Variants in SLC7A5 observed in about 807,000 individuals in gnomAD.
The protein encoded by SLC7A5 is large neutral amino acids transporter small subunit 1.
In SLC7A5, 23 loss-of-function variants were observed where a neutral mutation model predicts 50.2. The observed-to-expected ratio is 0.46, with a 90% CI of 0.33 to 0.65. The LOEUF is 0.65. Among genes scored for constraint, SLC7A5 ranks in the 30% least tolerant of loss-of-function variants. The probability of loss-of-function intolerance (pLI) is 0.02; values close to 1 mark genes in which losing one functional copy is unlikely to be tolerated. For missense variants in SLC7A5, 578 were observed against 684.4 expected (o/e 0.84, Z 1.73); for synonymous variants, 393 against 330.6 (o/e 1.19, Z -2.05).
At chr16:87,868,011 G>A (rs534330483) in intron 1 of SLC7A5, among the ~76,000 whole-genome samples, 131 of 151,752 alleles carry the variant, frequency 8.6e-4, no homozygotes, top group African/African-American at 3.1e-3. Flanking sequence ...CAGCTACTCG[G>A]GAGGCTGAGC....
At position 87,840,490 on chromosome 16, in the gene SLC7A5, A is replaced by T; in HGVS notation, c.771-17T>A. On this transcript the variant is annotated splice_polypyrimidine_tract_variant and intron_variant, in intron 3 of 9. Transcript: ENST00000261622. ...AAGTAATTCCTAAAATTTAGAGAACAGCGTTCAAATTATATGATCCTCATC... is the reference window on the plus strand; with the variant it reads ...AAGTAATTCCTAAAATTTAGAGAACTGCGTTCAAATTATATGATCCTCATC... The T allele has an allele frequency of 6.3e-7, 1 of 1,589,270 alleles. No individual in the cohort carries two copies. Among genetic ancestry groups the T allele is most frequent in the Non-Finnish European group, 8.6e-7 (1 of 1,162,052 alleles).
chr16:87,869,401 G>A lies in SLC7A5; in HGVS notation c.22C>T (p.Arg8Trp). The A allele has an allele frequency of 6.6e-7, 1 of 1,516,526 alleles. No homozygotes were observed. Among genetic ancestry groups the A allele is most frequent in the Non-Finnish European group, 8.8e-7 (1 of 1,138,224 alleles). The allele number at this position is 1,516,526 out of a possible 1,614,324, so 93.9% of individuals were successfully genotyped here. MAGAGPKRRALAAPAAEE... is the reference protein window; with the variant it reads MAGAGPKWRALAAPAAEE... Reference sequence around the variant, plus strand: ...GCCGCCGGCGCCGCTAGCGCGCGCCGCTTCGGGCCCGCACCCGCCATGCTC... The same window carrying A: ...GCCGCCGGCGCCGCTAGCGCGCGCCACTTCGGGCCCGCACCCGCCATGCTC... Residue 8 changes from arginine (R) to tryptophan (W), a missense_variant, in exon 1 of 10, where the codon CGG (arginine) becomes TGG (tryptophan). Arg to Trp is a moderately radical substitution (Grantham distance 101). Coordinates refer to ENST00000261622, the MANE Select transcript of SLC7A5 (RefSeq NM_003486.7).
chr16:87,869,336 G>A lies in SLC7A5; in HGVS notation c.87C>T (p.Ala29=). Reference sequence around the variant, plus strand: ...CCGGCGCCGAGCCGTCCGCGCTCTTGGCGGCCAGCATCTTCTCCCGCGCCT... The same window carrying A: ...CCGGCGCCGAGCCGTCCGCGCTCTTAGCGGCCAGCATCTTCTCCCGCGCCT... The part of the protein sequence containing the change: ...KEEAREKMLA[A]KSADGSAPAG... The change falls in exon 1 of 10, where the codon GCC becomes GCT. Residue 29 remains alanine, a synonymous_variant. Transcript: ENST00000261622. 1 of 1,609,830 alleles carries A rather than the reference G, an allele frequency of 6.2e-7. No homozygotes were observed. The highest frequency in any genetic ancestry group is 8.5e-7 in the Non-Finnish European group (1 of 1,179,166).
chr16:87,862,222 G>A lies in SLC7A5; in HGVS notation c.538+6663C>T, dbSNP rs531328923. On this transcript the variant is annotated intron_variant, in intron 1 of 9. Transcript: ENST00000261622. This position sits in a 1 kb window ranked among gnomAD's most constrained non-coding sequence, Gnocchi z 5.3. ...CAGGTGCTGGATACCCCAGCGGTTG[G>A]GGGGGTGGTGCTGGACACCCAGGGG... is the stretch of plus-strand genomic sequence containing the variant. Among the ~76,000 whole-genome samples, 1 of 152,098 alleles carries A rather than the reference G, an allele frequency of 6.6e-6. No individual in the cohort carries two copies. The highest frequency in any genetic ancestry group is 3.2e-3 in the Middle Eastern group (1 of 316).
At position 87,833,828 on chromosome 16, in the gene SLC7A5, A is replaced by G. The variant is rs2054962215; in HGVS notation, c.1468+586T>C. 1.3e-5 allele frequency among the ~76,000 whole-genome samples: 2 copies of G among 148,220 alleles called. No homozygotes were observed. Among genetic ancestry groups the G allele is most frequent in the East Asian group, 4.0e-4 (2 of 5,044 alleles). On this transcript the variant is annotated intron_variant, in intron 9 of 9. Transcript: ENST00000261622. This position sits in a 1 kb window ranked among gnomAD's most constrained non-coding sequence, Gnocchi z 6.0. ...CACCCCTGGGGCTGCCGCTGCACAC[A>G]GGGCCGGGGGGCGGGTTTCTCCTTC...
Position 87,833,090 on chromosome 16 carries a change from C to T in SLC7A5, c.1469-65G>A, listed in dbSNP as rs954794006. On this transcript the variant is annotated intron_variant, in intron 9 of 9. Transcript: ENST00000261622. This position sits in a 1 kb window ranked among gnomAD's most constrained non-coding sequence, Gnocchi z 6.0. ...GGTAGGCACCCGTGGGACACGGGGG[C>T]GTGAGCTGGGGCTCCCCCAGCCCTG... 10 of 1,410,342 alleles carry T rather than the reference C, an allele frequency of 7.1e-6. No homozygotes were observed. Among genetic ancestry groups the T allele is most frequent in the Admixed American group, 1.7e-5 (1 of 59,598 alleles). 87.4% of individuals were successfully genotyped at this position (1,410,342 alleles called of 1,614,324 possible).
chr16:87,833,147 C>T lies in SLC7A5; in HGVS notation c.1469-122G>A. 1 of 837,422 alleles carries T rather than the reference C, an allele frequency of 1.2e-6. No homozygotes were observed. Among genetic ancestry groups the T allele is most frequent in the Admixed American group, 1.8e-5 (1 of 55,990 alleles). 51.9% of individuals were successfully genotyped at this position (837,422 alleles called of 1,614,324 possible). ...CCAAACCCAGCGCCGCTGCCCAGCG[C>T]TGGGATTTTAAGGAACCTTCCCTTG... On this transcript the variant is annotated intron_variant, in intron 9 of 9. Transcript: ENST00000261622. The surrounding 1 kb of genome is among the most constrained non-coding windows in gnomAD (Gnocchi z 6.0).
chr16:87,838,892 T>G lies in SLC7A5; in HGVS notation c.940-75A>C, dbSNP rs2055046856. The G allele has an allele frequency of 2.8e-6, 3 of 1,083,168 alleles. No homozygotes were observed. The South Asian group carries it at 3.8e-5, about 14-fold the overall frequency. The allele number at this position is 1,083,168 out of a possible 1,614,324, so 67.1% of individuals were successfully genotyped here. A position where few individuals can be genotyped will look rare whatever the true frequency, so the allele number is the denominator to read the frequency against. ...CTCCCTGTGCTCACTGGGAGCCCTC[T>G]GCACCGGGCCAGCCCTCGCCCTCTG... On this transcript the variant is annotated intron_variant, in intron 5 of 9. Transcript: ENST00000261622.
rs760373260 is a variant in SLC7A5 at position 87,841,129 on chromosome 16, A to C, written c.691T>G (p.Phe231Val). ...TCCAGTTTGGTGCCTTCAAATGAGA[A>C]GTTGGGATCTAGATTGGACACATCA... Reference protein sequence around the residue: ...KGDVSNLDPNFSFEGTKLDVG... With the variant: ...KGDVSNLDPNVSFEGTKLDVG... The change falls in exon 3 of 10, where the codon TTC (phenylalanine) becomes GTC (valine). Residue 231 changes from phenylalanine to valine, a missense_variant. Physicochemically the swap from Phe to Val is conservative, Grantham distance 50 (BLOSUM62 -1). This residue lies in a region of SLC7A5 where 465 missense variants were observed against 594.6 expected (regional missense o/e 0.78). Transcript: ENST00000261622. This position sits in a 1 kb window ranked among gnomAD's most constrained non-coding sequence, Gnocchi z 4.8. 2 of 1,613,656 alleles carry C rather than the reference A, an allele frequency of 1.2e-6. No homozygotes were observed. The highest frequency in any genetic ancestry group is 1.3e-5 in the African/African-American group (1 of 75,046).
chr16:87,857,093 A>G (rs1357584173), intron 1 of SLC7A5, among the ~76,000 whole-genome samples: 1 of 152,230 alleles, frequency 6.6e-6, no homozygotes, highest in African/African-American at 2.4e-5. Flanking sequence ...CTGGAATGCC[A>G]AGCCTGCCCA....
intron 2 of SLC7A5, among the ~76,000 whole-genome samples, chr16:87,848,641 CT>C (rs2055182441): frequency 2.0e-5 from 3 of 152,296 alleles, no homozygotes; most frequent in Middle Eastern, 3.4e-3. Context: ...AGAGTCGCCC[CT>C]GTCACTCAGC....
rs1318476896 is a variant in SLC7A5 at position 87,832,199 on chromosome 16, T to C, written c.*771A>G. 2 of 152,216 alleles carry C rather than the reference T, an allele frequency of 1.3e-5. No homozygotes were observed. Among genetic ancestry groups the C allele is most frequent in the Admixed American group, 6.5e-5 (1 of 15,288 alleles). The allele number at this position is 152,216 out of a possible 1,614,324, so 9.4% of individuals were successfully genotyped here. On this transcript the variant is annotated 3_prime_UTR_variant, in exon 10 of 10. Coordinates refer to ENST00000261622, the MANE Select transcript of SLC7A5 (RefSeq NM_003486.7). The surrounding 1 kb of genome is among the most constrained non-coding windows in gnomAD (Gnocchi z 4.6). Reference sequence around the variant, plus strand: ...TGAACCAGAACTCAGCCTCCAAAACTGGACACAGAAATAGCCAAGAGGCCA... The same window carrying C: ...TGAACCAGAACTCAGCCTCCAAAACCGGACACAGAAATAGCCAAGAGGCCA...
chr16:87,859,206 C>T (rs1421723680), intron 1 of SLC7A5, among the ~76,000 whole-genome samples: 1 of 152,242 alleles, frequency 6.6e-6, no homozygotes, highest in Non-Finnish European at 1.5e-5. Flanking sequence ...GGACTCAGAG[C>T]TCCAGGGACA....
At chr16:87,843,892 C>T (rs1340125561) in intron 2 of SLC7A5, among the ~76,000 whole-genome samples, 2 of 152,192 alleles carry the variant, frequency 1.3e-5, no homozygotes, top group African/African-American at 2.4e-5. Context: ...ACCAGCTCCT[C>T]TCAGCTTTCT....
chr16:87,833,133 G>T lies in SLC7A5; in HGVS notation c.1469-108C>A. On this transcript the variant is annotated intron_variant, in intron 9 of 9. Transcript: ENST00000261622. The surrounding 1 kb of genome is among the most constrained non-coding windows in gnomAD (Gnocchi z 6.0). ...CAGCCCTGCTGTCACCAAACCCAGC[G>T]CCGCTGCCCAGCGCTGGGATTTTAA... 2 of 909,514 alleles carry T rather than the reference G, an allele frequency of 2.2e-6. No individual in the cohort carries two copies. The highest frequency in any genetic ancestry group is 3.7e-6 in the Non-Finnish European group (2 of 542,442). 56.3% of individuals were successfully genotyped at this position (909,514 alleles called of 1,614,324 possible).
rs1310717200 is a variant in SLC7A5, at chr16:87,830,921, G to A, written c.*2049C>T. ...CGGCATCCCGAGGACCCCTAGCCGA[G>A]GCGGGAAGGTAAGAGGCTGACGTCG... is the stretch of plus-strand genomic sequence containing the variant. On this transcript the variant is annotated 3_prime_UTR_variant, in exon 10 of 10. Coordinates refer to ENST00000261622, the MANE Select transcript of SLC7A5 (RefSeq NM_003486.7). The A allele has an allele frequency of 3.3e-5, 5 of 152,432 alleles. No homozygotes were observed. The highest frequency in any genetic ancestry group is 1.2e-4 in the African/African-American group (5 of 41,576). 9.4% of individuals were successfully genotyped at this position (152,432 alleles called of 1,614,324 possible). A position where few individuals can be genotyped will look rare whatever the true frequency, so the allele number is the denominator to read the frequency against.
At position 87,861,171 on chromosome 16, in the gene SLC7A5, G is replaced by A. The variant is rs560293144; in HGVS notation, c.538+7714C>T. On this transcript the variant is annotated intron_variant, in intron 1 of 9. Coordinates refer to ENST00000261622, the MANE Select transcript of SLC7A5 (RefSeq NM_003486.7). The surrounding 1 kb of genome is among the most constrained non-coding windows in gnomAD (Gnocchi z 4.2). Reference sequence around the variant, plus strand: ...GGCCTGCCCATGGCCAGCTATCCAGGTGATGCTCCAGGGAGGGCCAGGCCT... The same window carrying A: ...GGCCTGCCCATGGCCAGCTATCCAGATGATGCTCCAGGGAGGGCCAGGCCT... 6.6e-6 allele frequency among the ~76,000 whole-genome samples: 1 copy of A among 152,338 alleles called. No individual in the cohort carries two copies. Among genetic ancestry groups the A allele is most frequent in the Non-Finnish European group, 1.5e-5 (1 of 68,030 alleles).
intron 1 of SLC7A5, among the ~76,000 whole-genome samples, chr16:87,864,464 A>T (rs1260875245): frequency 6.6e-6 from 1 of 152,076 alleles, no homozygotes; most frequent in African/African-American, 2.4e-5. Context: ...ACCTGTCAGA[A>T]GCCCCCCTAT....
In SLC7A5 at chr16:87,832,978, C is replaced by G; in HGVS notation, c.1516G>C (p.Glu506Gln). 2 of 1,613,806 alleles carry G rather than the reference C, an allele frequency of 1.2e-6. No homozygotes were observed. Among genetic ancestry groups the G allele is most frequent in the Non-Finnish European group, 8.5e-7 (1 of 1,179,836 alleles). ...GCCACTCGGCCTCCTGGCTATGTCTCCTGGGGGACCACCTGCATGAGCTTC... is the reference window on the plus strand; with the variant it reads ...GCCACTCGGCCTCCTGGCTATGTCTGCTGGGGGACCACCTGCATGAGCTTC... ...CQKLMQVVPQET is the reference protein window; with the variant it reads ...CQKLMQVVPQQT The change falls in exon 10 of 10, where the codon GAG becomes CAG. Residue 506 changes from glutamate (E) to glutamine (Q), a missense_variant. Around this residue, in one of 2 missense-constraint regions of SLC7A5, gnomAD observed 465 missense variants for 594.6 expected, o/e 0.78. Coordinates refer to ENST00000261622, the MANE Select transcript of SLC7A5 (RefSeq NM_003486.7). The surrounding 1 kb of genome is among the most constrained non-coding windows in gnomAD (Gnocchi z 4.6).
Sources: gnomAD v4.1 joint callset for allele counts (sites outside exome capture counted in the v4.1 genomes callset) on GRCh38, gnomAD v4.1.1 for gene constraint, gnomAD v4.1.1 regional missense constraint, Gnocchi (gnomAD v3.1) non-coding constraint, MANE v1.5 for transcripts, NCBI Gene and HGNC (gene_info 2026-07-23, HGNC 2026-07-21) for gene names.